STXBP6: variants seen among roughly 807,000 people sequenced by gnomAD.
STXBP6 encodes syntaxin-binding protein 6.
STXBP6 carries 21 observed loss-of-function variants against 26.9 expected under a neutral mutation model. That is an observed-to-expected ratio of 0.78 (90% CI 0.55 to 1.12). The LOEUF is 1.12. Ranked by LOEUF, STXBP6 falls within the 50% of genes most tolerant of loss-of-function variation. The pLI is 0.00. For missense variants in STXBP6, 232 were observed against 257.9 expected, an observed-to-expected ratio of 0.90 and a Z score of 0.69; for synonymous variants, 97 against 92.6, an observed-to-expected ratio of 1.05 and a Z score of -0.27.
rs181343306 is a variant in STXBP6, at chr14:25,049,094, C to T, written c.-33+784G>A. On this transcript the variant is annotated intron_variant, in intron 1 of 5. Coordinates refer to ENST00000323944, the MANE Select transcript of STXBP6 (RefSeq NM_001394410.1). The surrounding 1 kb of genome is among the most constrained non-coding windows in gnomAD (Gnocchi z 5.6). ...TCTCCTAAAGAACAAGATGTCTTTC[C>T]AAATTCTCCACCTGCAGGTCCTGTC... is the stretch of plus-strand genomic sequence containing the variant. The T allele has an allele frequency of 8.5e-6, 8 of 941,994 alleles. No individual in the cohort carries two copies. The Admixed American group carries it at 2.5e-4, about 29-fold the overall frequency. 58.4% of individuals were successfully genotyped at this position (941,994 alleles called of 1,614,324 possible).
At chr14:24,911,835 G>A (rs1826248950) in intron 2 of STXBP6, among the ~76,000 whole-genome samples, 1 of 152,164 alleles carries the variant, frequency 6.6e-6, no homozygotes, top group Non-Finnish European at 1.5e-5. Flanking sequence ...ATATGCACGT[G>A]CACATTTGTG....
At chr14:24,876,800 T>C (rs536561142) in intron 2 of STXBP6, among the ~76,000 whole-genome samples, 6 of 152,364 alleles carry the variant, frequency 3.9e-5, no homozygotes, top group East Asian at 1.9e-4. Context: ...CAACTGGTAA[T>C]GTTTAAGAAC....
chr14:24,860,980 C>T (rs2069518132), intron 2 of STXBP6, among the ~76,000 whole-genome samples: 1 of 151,822 alleles, frequency 6.6e-6, no homozygotes, highest in East Asian at 1.9e-4. Flanking sequence ...CATTTTTATA[C>T]ATTTACTATA....
At chr14:24,897,783 TC>T (rs2071050672) in intron 2 of STXBP6, among the ~76,000 whole-genome samples, 1 of 152,156 alleles carries the variant, frequency 6.6e-6, no homozygotes, top group Admixed American at 6.5e-5. Flanking sequence ...GTGTGGGTAA[TC>T]AGTACCATGG....
At chr14:24,840,754 G>A (rs1034119697) in intron 4 of STXBP6, among the ~76,000 whole-genome samples, 3 of 152,036 alleles carry the variant, frequency 2.0e-5, no homozygotes, top group African/African-American at 7.2e-5. Flanking sequence ...AATTCTCTGA[G>A]CTGATTTTGG....
At chr14:24,942,162 A>G (rs546124547) in intron 2 of STXBP6, among the ~76,000 whole-genome samples, 9 of 152,338 alleles carry the variant, frequency 5.9e-5, no homozygotes, top group Non-Finnish European at 1.3e-4. Flanking sequence ...AGTGAAGGGA[A>G]AGAAAAGTAA....
chr14:24,985,501 C>T (rs2074308076), intron 1 of STXBP6, among the ~76,000 whole-genome samples: 1 of 152,174 alleles, frequency 6.6e-6, no homozygotes, highest in Admixed American at 6.5e-5. Flanking sequence ...TGCTGTATTA[C>T]CCCCACTCTG....
At chr14:24,944,232 A>G (rs1216616189) in intron 2 of STXBP6, among the ~76,000 whole-genome samples, 1 of 152,210 alleles carries the variant, frequency 6.6e-6, no homozygotes, top group South Asian at 2.1e-4. Flanking sequence ...CTGCCACCGC[A>G]CGGAAGGTAT....
intron 2 of STXBP6, among the ~76,000 whole-genome samples, chr14:24,968,933 T>C (rs949959659): frequency 8.5e-5 from 13 of 152,174 alleles, no homozygotes; most frequent in Non-Finnish European, 1.8e-4. Context: ...ACTTTCAAAA[T>C]ACAGATTAGC....
At chr14:25,005,807 T>TA (rs35612009) in intron 1 of STXBP6, among the ~76,000 whole-genome samples, 18,556 of 139,236 alleles carry the variant, frequency 0.13, 1,180 homozygotes, top group African/African-American at 0.15. Flanking sequence ...GGGAAAAAAC[T>TA]AAAAAAAAAA....
chr14:25,013,466 T>TCTCACA (rs368393323), intron 1 of STXBP6, among the ~76,000 whole-genome samples: 2 of 143,334 alleles, frequency 1.4e-5, no homozygotes, highest in African/African-American at 5.1e-5. Flanking sequence ...CATCTCTCTT[T>TCTCACA]CACACACACA....
chr14:24,843,776 T>C (rs2068856560), intron 4 of STXBP6, among the ~76,000 whole-genome samples: 1 of 152,208 alleles, frequency 6.6e-6, no homozygotes. Context: ...ACAAGATTTA[T>C]AAACAACATG....
At chr14:24,848,074 T>G (rs182647923) in intron 4 of STXBP6, among the ~76,000 whole-genome samples, 3 of 152,318 alleles carry the variant, frequency 2.0e-5, no homozygotes, top group Admixed American at 6.5e-5. Context: ...ATTCCCTTGC[T>G]TCTTTCAGAA....
intron 2 of STXBP6, among the ~76,000 whole-genome samples, chr14:24,921,656 C>T (rs892259459): frequency 1.4e-4 from 21 of 152,038 alleles, no homozygotes; most frequent in African/African-American, 5.1e-4. Flanking sequence ...GCTGTTATTC[C>T]AGAACAAATA....
chr14:24,852,810 G>A (rs2069198301), intron 4 of STXBP6, among the ~76,000 whole-genome samples: 1 of 152,080 alleles, frequency 6.6e-6, no homozygotes, highest in Non-Finnish European at 1.5e-5. Context: ...ACTCCAGGGG[G>A]CACCATTCAT....
At chr14:24,900,652 C>T (rs2071178205) in intron 2 of STXBP6, among the ~76,000 whole-genome samples, 1 of 152,142 alleles carries the variant, frequency 6.6e-6, no homozygotes, top group Admixed American at 6.5e-5. Flanking sequence ...TAGTCATGCC[C>T]AGTTTTTCAG....
In STXBP6 at chr14:24,904,288, T is replaced by A. The variant is rs79720372; in HGVS notation, c.155-47131A>T. ...GAATACATCCAGCCACAACTTCATA[T>A]CTACGCGGTTAAGTCAATTACCCCA... On this transcript the variant is annotated intron_variant, in intron 2 of 5. Transcript: ENST00000323944. Among the ~76,000 whole-genome samples the A allele has an allele frequency of 1.0e-3, 153 of 152,322 alleles. 3 individuals carry two copies. The East Asian group carries it at 0.026, about 26-fold the overall frequency.
chr14:25,022,158 C>T (rs2075273495), intron 1 of STXBP6, among the ~76,000 whole-genome samples: 1 of 152,150 alleles, frequency 6.6e-6, no homozygotes, highest in Non-Finnish European at 1.5e-5. Flanking sequence ...AATGTATTGG[C>T]TAATTTAACT....
rs1026999485 is a variant in STXBP6, at chr14:24,812,456, C to T, written c.*253G>A. ...TTCAAAACATACATATACACACATA[C>T]ACACAGTGGGAGGAGGCAAAAACCC... On this transcript the variant is annotated 3_prime_UTR_variant, in exon 6 of 6. Coordinates refer to ENST00000323944, the MANE Select transcript of STXBP6 (RefSeq NM_001394410.1). 1.9e-6 allele frequency: 1 copy of T among 535,762 alleles called. No homozygotes were observed. The highest frequency in any genetic ancestry group is 3.1e-5 in the East Asian group (1 of 32,098). The allele number at this position is 535,762 out of a possible 1,614,324, so 33.2% of individuals were successfully genotyped here. A position where few individuals can be genotyped will look rare whatever the true frequency, so the allele number is the denominator to read the frequency against.
Sources: gnomAD v4.1 joint callset for allele counts (sites outside exome capture counted in the v4.1 genomes callset) on GRCh38, gnomAD v4.1.1 for gene constraint, Gnocchi (gnomAD v3.1) non-coding constraint, MANE v1.5 for transcripts, NCBI Gene and HGNC (gene_info 2026-07-23, HGNC 2026-07-21) for gene names.